FAM135B: variants seen among roughly 807,000 people sequenced by gnomAD.
The protein encoded by FAM135B is family with sequence similarity 135 member B.
A neutral mutation model predicts 127.7 loss-of-function variants in FAM135B; 43 were observed. The ratio of observed to expected loss-of-function variants is 0.34; its 90% CI spans 0.26 to 0.43. The LOEUF (loss-of-function observed/expected upper bound fraction) is 0.43. FAM135B is among the 20% of genes least tolerant of loss of function. The pLI is 1.00. For synonymous variants in FAM135B, 670 were observed against 665.1 expected (o/e 1.01, Z -0.11); for missense variants, 1,558 against 1,725.6 (o/e 0.90, Z 1.72).
At chr8:138,255,262 C>T (rs1821989920) in intron 5 of FAM135B, among the ~76,000 whole-genome samples, 1 of 152,132 alleles carries the variant, frequency 6.6e-6, no homozygotes. Context: ...TCCCAATTCC[C>T]CATTCTCCAA....
intron 1 of FAM135B, among the ~76,000 whole-genome samples, chr8:138,426,008 TATATAC>T (rs1283911555): frequency 0.039 from 723 of 18,594 alleles, 65 homozygotes; most frequent in Admixed American, 0.17. Flanking sequence ...TATATATATA[TATATAC>T]ACACACATAC....
chr8:138,138,469 A>G (rs906409949), intron 18 of FAM135B, among the ~76,000 whole-genome samples: 1 of 152,216 alleles, frequency 6.6e-6, no homozygotes, highest in African/African-American at 2.4e-5. Flanking sequence ...AATGATCACC[A>G]TTACTGCTGT....
At chr8:138,446,287 A>T (rs566839308) in intron 1 of FAM135B, among the ~76,000 whole-genome samples, 71 of 152,342 alleles carry the variant, frequency 4.7e-4, no homozygotes, top group African/African-American at 1.3e-3. Context: ...CTTTCTTCAC[A>T]GAATTGGAAA....
intron 1 of FAM135B, among the ~76,000 whole-genome samples, chr8:138,403,678 C>A (rs1833283401): frequency 6.6e-6 from 1 of 152,130 alleles, no homozygotes; most frequent in Non-Finnish European, 1.5e-5. Context: ...CTAGGCAGAG[C>A]AACCCTGAAA....
rs74547559 is a variant in FAM135B at position 138,310,156 on chromosome 8, C to A, written c.157+685G>T. On this transcript the variant is annotated intron_variant, in intron 3 of 19. Transcript: ENST00000395297. ...AAAGTGCTGGGATTATAGGCATGAGCCACTGCACTCAGCCTCTCCTTCTTC... is the reference window on the plus strand; with the variant it reads ...AAAGTGCTGGGATTATAGGCATGAGACACTGCACTCAGCCTCTCCTTCTTC... Among the ~76,000 whole-genome samples, 1,192 of 152,274 alleles carry A rather than the reference C, an allele frequency of 7.8e-3. 15 individuals carry two copies. The highest frequency in any genetic ancestry group is 0.027 in the African/African-American group (1,119 of 41,538).
In FAM135B at chr8:138,261,775, T is replaced by A. The variant is rs112066191; in HGVS notation, c.297+3928A>T. Among the ~76,000 whole-genome samples, 505 of 152,350 alleles carry A rather than the reference T, an allele frequency of 3.3e-3. 6 individuals are homozygous for A. Among genetic ancestry groups the A allele is most frequent in the African/African-American group, 0.011 (464 of 41,590 alleles). ...ACCTCATTGCACAACTGAATCTTCA[T>A]GTCTGAATTTCTTATAGCACATGGA... is the stretch of plus-strand genomic sequence containing the variant. On this transcript the variant is annotated intron_variant, in intron 4 of 19. Transcript: ENST00000395297.
intron 1 of FAM135B, among the ~76,000 whole-genome samples, chr8:138,423,667 C>T (rs1834661255): frequency 6.6e-6 from 1 of 152,110 alleles, no homozygotes; most frequent in Admixed American, 6.6e-5. Context: ...ATTAAAATTG[C>T]TAATGAAGTT....
intron 10 of FAM135B, among the ~76,000 whole-genome samples, chr8:138,177,675 T>C (rs1814605238): frequency 6.6e-6 from 1 of 152,224 alleles, no homozygotes; most frequent in Admixed American, 6.5e-5. Context: ...GCATTGCTTT[T>C]GCTATTGTGT....
At chr8:138,430,781 C>T (rs1219621382) in intron 1 of FAM135B, among the ~76,000 whole-genome samples, 1 of 152,160 alleles carries the variant, frequency 6.6e-6, no homozygotes, top group Non-Finnish European at 1.5e-5. Context: ...TTACAGGCAT[C>T]TTTGGGAATA....
rs777248502 is a variant in FAM135B at position 138,152,887 on chromosome 8, G to T, written c.1588C>A (p.Pro530Thr). The stretch of plus-strand genomic sequence containing the variant: ...CTAGAAGTATCCACATCTGCCACTG[G>T]ATATGTCCCAGCATCAGATGTTTGG... ...TGQTSDAGTY[P>T]VADVDTSRRS... The change falls in exon 13 of 20, where the codon CCA becomes ACA. Residue 530 changes from proline (P) to threonine (T), a missense_variant. Coordinates refer to ENST00000395297, the MANE Select transcript of FAM135B (RefSeq NM_015912.4). The T allele has an allele frequency of 6.2e-7, 1 of 1,614,190 alleles. No individual in the cohort carries two copies. The highest frequency in any genetic ancestry group is 1.1e-5 in the South Asian group (1 of 91,078).
intron 1 of FAM135B, among the ~76,000 whole-genome samples, chr8:138,488,428 GAA>G (rs1346728769): frequency 1.5e-5 from 2 of 135,792 alleles, no homozygotes; most frequent in Non-Finnish European, 1.5e-5. Context: ...TTCTTTTGAG[GAA>G]AAAAAAAAAA....
chr8:138,356,728 A>T (rs1231634183), intron 2 of FAM135B, among the ~76,000 whole-genome samples: 1 of 152,126 alleles, frequency 6.6e-6, no homozygotes, highest in African/African-American at 2.4e-5. Context: ...AAGTTTCTAA[A>T]CAGTAACTCA....
chr8:138,325,341 T>C (rs1005975990), intron 2 of FAM135B, among the ~76,000 whole-genome samples: 3 of 152,148 alleles, frequency 2.0e-5, no homozygotes, highest in Non-Finnish European at 4.4e-5. Flanking sequence ...GGTGGGAGTA[T>C]TTATAGCATG....
At chr8:138,334,675 T>C (rs1268510898) in intron 2 of FAM135B, among the ~76,000 whole-genome samples, 2 of 152,190 alleles carry the variant, frequency 1.3e-5, no homozygotes, top group Non-Finnish European at 2.9e-5. Flanking sequence ...TAGTTTGGTA[T>C]GAATAATGGC....
At chr8:138,441,983 A>G (rs1167449282) in intron 1 of FAM135B, among the ~76,000 whole-genome samples, 1 of 151,794 alleles carries the variant, frequency 6.6e-6, no homozygotes, top group Non-Finnish European at 1.5e-5. Context: ...AATCACACAC[A>G]CACCGAGTGA....
chr8:138,253,271 G>A (rs1476767981), intron 5 of FAM135B, among the ~76,000 whole-genome samples: 2 of 152,202 alleles, frequency 1.3e-5, no homozygotes, highest in African/African-American at 4.8e-5. Flanking sequence ...GCCATGACGT[G>A]AAGGAGTGAG....
At chr8:138,149,131 A>AT (rs1443603928) in intron 13 of FAM135B, among the ~76,000 whole-genome samples, 1 of 85,374 alleles carries the variant, frequency 1.2e-5, no homozygotes, top group Non-Finnish European at 2.4e-5. Context: ...AAGTATAATA[A>AT]TAAAAAAATA....
At chr8:138,276,801 G>A (rs559216592) in intron 3 of FAM135B, among the ~76,000 whole-genome samples, 18 of 152,254 alleles carry the variant, frequency 1.2e-4, no homozygotes, top group African/African-American at 4.3e-4. Context: ...GGAGCACAGA[G>A]AGTACCTAGT....
intron 15 of FAM135B, among the ~76,000 whole-genome samples, chr8:138,145,135 C>T (rs564234701): frequency 6.6e-6 from 1 of 152,272 alleles, no homozygotes; most frequent in South Asian, 2.1e-4. Context: ...CCCACCTCAG[C>T]CTCCCAAGTA....
Sources: allele counts gnomAD v4.1 joint callset (sites outside exome capture counted in the v4.1 genomes callset), GRCh38; gene constraint gnomAD v4.1.1; transcripts MANE v1.5; gene names NCBI Gene and HGNC (gene_info 2026-07-23, HGNC 2026-07-21).